SOCS5: variants seen among roughly 807,000 people sequenced by gnomAD.
SOCS5 encodes suppressor of cytokine signaling 5, also known as CIS-6.
In SOCS5, 32 loss-of-function variants were observed where a neutral mutation model predicts 42.8. The observed-to-expected ratio is 0.75, with a 90% CI of 0.56 to 1.01. SOCS5 has a LOEUF of 1.01. Among genes scored for constraint, SOCS5 ranks in the 50% least tolerant of loss-of-function variants. SOCS5 has a pLI of 0.00. For synonymous variants in SOCS5, 283 were observed against 229.6 expected, an observed-to-expected ratio of 1.23 and a Z score of -2.10; for missense variants, 627 against 653.0, an observed-to-expected ratio of 0.96 and a Z score of 0.43.
intron 1 of SOCS5, among the ~76,000 whole-genome samples, chr2:46,726,168 C>T (rs1362123439): frequency 6.6e-6 from 1 of 152,128 alleles, no homozygotes; most frequent in Non-Finnish European, 1.5e-5. Flanking sequence ...GCAATCTCAG[C>T]TCACTGCAAC....
intron 1 of SOCS5, among the ~76,000 whole-genome samples, chr2:46,747,815 C>T (rs1673538552): frequency 6.6e-6 from 1 of 152,098 alleles, no homozygotes; most frequent in Admixed American, 6.6e-5. Flanking sequence ...CATCTGAGAG[C>T]TTGAACTTTA....
chr2:46,734,864 C>T (rs1292317715), intron 1 of SOCS5, among the ~76,000 whole-genome samples: 2 of 152,156 alleles, frequency 1.3e-5, no homozygotes, highest in African/African-American at 4.8e-5. Context: ...TCTCTCTTCC[C>T]CACTTTTCAG....
intron 1 of SOCS5, among the ~76,000 whole-genome samples, chr2:46,733,967 C>T (rs902697509): frequency 6.6e-6 from 1 of 152,146 alleles, no homozygotes; most frequent in African/African-American, 2.4e-5. Context: ...TATGCAGTAA[C>T]TATTTATTAA....
chr2:46,759,493 T>A lies in SOCS5; in HGVS notation c.963T>A (p.Asn321Lys), dbSNP rs370456653. The change falls in exon 2 of 2, where the codon AAT becomes AAA. Residue 321 changes from asparagine (N) to lysine (K), a missense_variant. Transcript: ENST00000394861. Reference protein sequence around the residue: ...SGDSSAIPQANCDSEEDTTTL... With the variant: ...SGDSSAIPQAKCDSEEDTTTL... ...ACAGTTCTGCAATTCCACAAGCTAATTGTGACTCGGAAGAGGATACAACCA... is the reference window on the plus strand; with the variant it reads ...ACAGTTCTGCAATTCCACAAGCTAAATGTGACTCGGAAGAGGATACAACCA... 6.2e-7 allele frequency: 1 copy of A among 1,613,892 alleles called. No homozygotes were observed. The highest frequency in any genetic ancestry group is 2.2e-5 in the East Asian group (1 of 44,896).
intron 1 of SOCS5, among the ~76,000 whole-genome samples, chr2:46,729,569 A>G (rs1248028834): frequency 1.3e-5 from 2 of 152,212 alleles, no homozygotes; most frequent in Non-Finnish European, 2.9e-5. Context: ...CTAAACATCT[A>G]TACACAAAGG....
At chr2:46,742,673 T>A (rs1356821310) in intron 1 of SOCS5, among the ~76,000 whole-genome samples, 4 of 152,058 alleles carry the variant, frequency 2.6e-5, no homozygotes, top group Non-Finnish European at 4.4e-5. Flanking sequence ...GTTTACTACT[T>A]CTTTTTTTTT....
intron 1 of SOCS5, among the ~76,000 whole-genome samples, chr2:46,753,526 G>C (rs1673670429): frequency 6.6e-6 from 1 of 152,172 alleles, no homozygotes; most frequent in African/African-American, 2.4e-5. Flanking sequence ...GCTGTTATCA[G>C]AAAGGGGTTC....
intron 1 of SOCS5, among the ~76,000 whole-genome samples, chr2:46,742,987 G>A (rs540682246): frequency 6.6e-6 from 1 of 152,028 alleles, no homozygotes; most frequent in East Asian, 1.9e-4. Context: ...TTTAATGGAA[G>A]GTTTATGTTT....
chr2:46,712,883 G>A (rs41432947), intron 1 of SOCS5, among the ~76,000 whole-genome samples: 28 of 150,958 alleles, frequency 1.9e-4, no homozygotes, highest in African/African-American at 6.5e-4. Context: ...TGTTTGTTTT[G>A]GTATCAGAGT....
chr2:46,726,279 G>A (rs1672987652), intron 1 of SOCS5, among the ~76,000 whole-genome samples: 1 of 151,820 alleles, frequency 6.6e-6, no homozygotes, highest in African/African-American at 2.4e-5. Context: ...TGTATTTTTA[G>A]TAGAGACGTG....
chr2:46,745,186 A>G (rs1018908280), intron 1 of SOCS5, among the ~76,000 whole-genome samples: 1 of 152,130 alleles, frequency 6.6e-6, no homozygotes, highest in Non-Finnish European at 1.5e-5. Context: ...GAATATTGAG[A>G]ATTCTGCTTT....
At position 46,699,747 on chromosome 2, in the gene SOCS5, G is replaced by C. The variant is rs193120142; in HGVS notation, c.-13+298G>C. Among the ~76,000 whole-genome samples the C allele has an allele frequency of 2.1e-3, 314 of 152,308 alleles. No homozygotes were observed. Among genetic ancestry groups the C allele is most frequent in the African/African-American group, 7.2e-3 (301 of 41,572 alleles). ...TGTTTTTCTGGTTGGAGGAACGTGG[G>C]GTTCCTAAGGGGAAGGGGGTCGTCC... On this transcript the variant is annotated intron_variant, in intron 1 of 1. Coordinates refer to ENST00000394861, the MANE Select transcript of SOCS5 (RefSeq NM_144949.3). The surrounding 1 kb of genome is among the most constrained non-coding windows in gnomAD (Gnocchi z 4.8).
rs1024910215 is a variant in SOCS5, at chr2:46,699,969, A to G, written c.-13+520A>G. On this transcript the variant is annotated intron_variant, in intron 1 of 1. Coordinates refer to ENST00000394861, the MANE Select transcript of SOCS5 (RefSeq NM_144949.3). The surrounding 1 kb of genome is among the most constrained non-coding windows in gnomAD (Gnocchi z 4.8). ...GATGAGGGAGGGAACCAATGAGTAC[A>G]TATGTGGGAAATGAATTGAGTGCCC... Among the ~76,000 whole-genome samples the G allele has an allele frequency of 2.6e-5, 4 of 152,120 alleles. No homozygotes were observed. The highest frequency in any genetic ancestry group is 4.8e-5 in the African/African-American group (2 of 41,426).
At chr2:46,723,876 GT>G (rs1192387233) in intron 1 of SOCS5, among the ~76,000 whole-genome samples, 1 of 152,024 alleles carries the variant, frequency 6.6e-6, no homozygotes, top group East Asian at 1.9e-4. Context: ...CATCTTTACT[GT>G]GTTGAGTCTT....
intron 1 of SOCS5, among the ~76,000 whole-genome samples, chr2:46,734,135 A>T (rs1328900626): frequency 6.6e-6 from 1 of 152,192 alleles, no homozygotes; most frequent in Non-Finnish European, 1.5e-5. Flanking sequence ...TGTCTCTGAT[A>T]CTTCTGTGGA....
At chr2:46,711,325 T>A (rs1195731599) in intron 1 of SOCS5, among the ~76,000 whole-genome samples, 1 of 152,234 alleles carries the variant, frequency 6.6e-6, no homozygotes, top group Non-Finnish European at 1.5e-5. Context: ...GGTTTAGTCA[T>A]CTTACTGGGA....
At chr2:46,721,687 C>T (rs1460143557) in intron 1 of SOCS5, among the ~76,000 whole-genome samples, 3 of 152,220 alleles carry the variant, frequency 2.0e-5, no homozygotes, top group Middle Eastern at 3.4e-3. Context: ...ATGGCATCAT[C>T]CCAAAATATA....
chr2:46,752,857 T>A (rs932997538), intron 1 of SOCS5, among the ~76,000 whole-genome samples: 2 of 152,212 alleles, frequency 1.3e-5, no homozygotes, highest in African/African-American at 2.4e-5. Flanking sequence ...TGCATTTGCC[T>A]AAGCAAGACT....
chr2:46,746,744 C>T (rs976025036), intron 1 of SOCS5, among the ~76,000 whole-genome samples: 47 of 151,550 alleles, frequency 3.1e-4, no homozygotes, highest in Admixed American at 7.2e-4. Flanking sequence ...GTTGTTAGTA[C>T]GGTATATAGT....
Sources: allele counts gnomAD v4.1 joint callset (sites outside exome capture counted in the v4.1 genomes callset), GRCh38; gene constraint gnomAD v4.1.1; non-coding constraint Gnocchi (gnomAD v3.1); transcripts MANE v1.5; gene names NCBI Gene and HGNC (gene_info 2026-07-23, HGNC 2026-07-21).